FNBP4: variants seen among roughly 807,000 people sequenced by gnomAD.
FNBP4 encodes the protein formin-binding protein 4.
Under a neutral mutation model 119.3 loss-of-function variants are expected in FNBP4, and 34 were observed. The observed-to-expected ratio is 0.28, with a 90% CI of 0.22 to 0.38. FNBP4 has a LOEUF of 0.38. FNBP4 is among the 10% of genes least tolerant of loss of function. The probability of loss-of-function intolerance (pLI) is 1.00; values close to 1 mark genes in which losing one functional copy is unlikely to be tolerated. For missense variants in FNBP4, 1,112 were observed against 1,228.9 expected, an observed-to-expected ratio of 0.90 and a Z score of 1.42; for synonymous variants, 462 against 430.6, an observed-to-expected ratio of 1.07 and a Z score of -0.90.
intron 7 of FNBP4, 101 bp downstream of exon 7, chr11:47,745,955 A>G: frequency 9.1e-7 from 1 of 1,093,034 alleles, no homozygotes; most frequent in East Asian, 2.4e-5. Context: ...TGATGGGATA[A>G]GAAAAACAAA....
At chr11:47,724,409 T>C (rs899379289) in intron 13 of FNBP4, 59 bp downstream of exon 13, 68 of 1,611,010 alleles carry the variant, frequency 4.2e-5, no homozygotes, top group Non-Finnish European at 5.3e-5. Context: ...AAATAAAACA[T>C]GGTGTCAATC....
chr11:47,736,384 C>T (rs569818609), intron 9 of FNBP4, among the ~76,000 whole-genome samples: 14 of 152,094 alleles, frequency 9.2e-5, no homozygotes, highest in South Asian at 4.2e-4. Context: ...GGTGAAACCC[C>T]GTTTCTACTA....
rs139606989 is a variant in FNBP4 at position 47,764,939 on chromosome 11, A to G, written c.313+331T>C. Among the ~76,000 whole-genome samples the G allele has an allele frequency of 4.9e-3, 752 of 152,292 alleles. 1 individual carries two copies. The highest frequency in any genetic ancestry group is 0.017 in the African/African-American group (720 of 41,560). On this transcript the variant is annotated intron_variant, in intron 2 of 16. Coordinates refer to ENST00000263773, the MANE Select transcript of FNBP4 (RefSeq NM_015308.5). ...TCCACCAATGTTTGTTAGGTAACCA[A>G]TCAAGCCAGAGTGTTAGAAAAGGAA...
At chr11:47,744,951 G>A (rs1459620868) in intron 7 of FNBP4, among the ~76,000 whole-genome samples, 1 of 152,144 alleles carries the variant, frequency 6.6e-6, no homozygotes, top group Non-Finnish European at 1.5e-5. Flanking sequence ...CTGAAGCCAT[G>A]GCAGAGGAAC....
intron 10 of FNBP4, among the ~76,000 whole-genome samples, chr11:47,733,029 A>G (rs891015905): frequency 2.0e-5 from 3 of 152,272 alleles, no homozygotes; most frequent in South Asian, 2.1e-4. Context: ...GAGGCAGGAG[A>G]ATCAACTGAA....
chr11:47,759,908 G>A (rs7108479), intron 2 of FNBP4, among the ~76,000 whole-genome samples: 1 of 152,050 alleles, frequency 6.6e-6, no homozygotes, highest in African/African-American at 2.4e-5. Flanking sequence ...AGCCGAGGCT[G>A]TGCCATTGCA....
intron 2 of FNBP4, among the ~76,000 whole-genome samples, chr11:47,761,494 C>A (rs1208058960): frequency 6.6e-6 from 1 of 151,992 alleles, no homozygotes; most frequent in Non-Finnish European, 1.5e-5. Flanking sequence ...AGGGAGGCTG[C>A]AGCAGGAGAA....
rs2097557379 is a variant in FNBP4, at chr11:47,722,872, T to TA, written c.2805+103dup. On this transcript the variant is annotated intron_variant, in intron 15 of 16. Coordinates refer to ENST00000263773, the MANE Select transcript of FNBP4 (RefSeq NM_015308.5). ...TCCCAAAGTGCTGGGATTACAGGCT[T>TA]AAGCCACAGTGCCCAGCCTGAAAAT... is the stretch of plus-strand genomic sequence containing the variant. 1.6e-5 allele frequency: 21 copies of TA among 1,315,468 alleles called. No homozygotes were observed. The East Asian group carries it at 5.1e-4, about 32-fold the overall frequency. 81.5% of individuals were successfully genotyped at this position (1,315,468 alleles called of 1,614,324 possible).
intron 1 of FNBP4, among the ~76,000 whole-genome samples, chr11:47,766,085 G>A (rs867953990): frequency 1.3e-5 from 2 of 151,926 alleles, no homozygotes; most frequent in Non-Finnish European, 2.9e-5. Flanking sequence ...GATGGCTCTC[G>A]CCTGTAATGA....
At chr11:47,723,980 G>A (rs745307581) in intron 14 of FNBP4, 48 bp downstream of exon 14, 4 of 1,557,160 alleles carry the variant, frequency 2.6e-6, no homozygotes, top group South Asian at 2.4e-5. Context: ...ATGCTGAAAA[G>A]AAAAGAAACA....
At chr11:47,718,888 C>G (rs1168878702) in intron 16 of FNBP4, among the ~76,000 whole-genome samples, 1 of 150,576 alleles carries the variant, frequency 6.6e-6, no homozygotes, top group Non-Finnish European at 1.5e-5. Context: ...GTGTGAGCCA[C>G]AGTGCCCACC....
intron 16 of FNBP4, among the ~76,000 whole-genome samples, chr11:47,718,556 A>G (rs899287769): frequency 6.6e-6 from 1 of 152,156 alleles, no homozygotes; most frequent in Non-Finnish European, 1.5e-5. Context: ...TTTTATTTGT[A>G]AGGATTAAAA....
chr11:47,720,038 T>G lies in FNBP4; in HGVS notation c.2854A>C (p.Ser952Arg). ...KMPSLVKKWQ[S>R]IQRELDEEDN... ...TCTTCATCTAACTCACGCTGGATACTCTGCCACTTTTTTACCAAAGATGGC... is the reference window on the plus strand; with the variant it reads ...TCTTCATCTAACTCACGCTGGATACGCTGCCACTTTTTTACCAAAGATGGC... The change falls in exon 16 of 17, where the codon AGT becomes CGT. Residue 952 changes from serine (S) to arginine (R), a missense_variant. By Grantham distance (110) the Ser-to-Arg change is moderately radical. This residue lies in a region of FNBP4 where 826 missense variants were observed against 988.8 expected (regional missense o/e 0.84). Transcript: ENST00000263773. The G allele has an allele frequency of 6.2e-7, 1 of 1,614,182 alleles. No homozygotes were observed. Among genetic ancestry groups the G allele is most frequent in the Non-Finnish European group, 8.5e-7 (1 of 1,180,016 alleles).
In FNBP4 at chr11:47,752,979, T is replaced by G; in HGVS notation, c.574A>C (p.Asn192His). ...ATSTLSSSTS[N>H]GTDSTQTSGW... ...GATGTTTGGGTGGAGTCTGTTCCAT[T>G]TGAAGTAGAAGAAGAAAGGGTAGAT... Residue 192 changes from asparagine (N) to histidine (H), a missense_variant, in exon 4 of 17, where the codon AAT becomes CAT. Around this residue, in one of 2 missense-constraint regions of FNBP4, gnomAD observed 826 missense variants for 988.8 expected, o/e 0.84. Coordinates refer to ENST00000263773, the MANE Select transcript of FNBP4 (RefSeq NM_015308.5). 1.3e-5 allele frequency: 21 copies of G among 1,614,122 alleles called. No individual in the cohort carries two copies. The highest frequency in any genetic ancestry group is 1.7e-5 in the Non-Finnish European group (20 of 1,180,016).
intron 15 of FNBP4, among the ~76,000 whole-genome samples, chr11:47,722,748 G>A (rs2097557247): frequency 6.6e-6 from 1 of 151,908 alleles, no homozygotes; most frequent in African/African-American, 2.4e-5. Flanking sequence ...GTGCCACCAG[G>A]CCCAGCTAAT....
chr11:47,718,707 G>A (rs1397634533), intron 16 of FNBP4, among the ~76,000 whole-genome samples: 1 of 152,170 alleles, frequency 6.6e-6, no homozygotes, highest in African/African-American at 2.4e-5. Flanking sequence ...GACAATTGAT[G>A]AACAGTGAGT....
chr11:47,728,869 T>TA (rs397770655), intron 12 of FNBP4, among the ~76,000 whole-genome samples: 241 of 149,064 alleles, frequency 1.6e-3, no homozygotes, highest in Middle Eastern at 0.014. Context: ...TTTTTTTTTT[T>TA]AGATAAAGAG....
chr11:47,740,782 G>A (rs1302257202), intron 8 of FNBP4, among the ~76,000 whole-genome samples: 8 of 151,570 alleles, frequency 5.3e-5, no homozygotes. Context: ...AGTAGAGACG[G>A]GGTTTCACCA....
At position 47,724,134 on chromosome 11, in the gene FNBP4, A is replaced by T; in HGVS notation, c.2358T>A (p.Thr786=). 1 of 1,614,158 alleles carries T rather than the reference A, an allele frequency of 6.2e-7. No homozygotes were observed. Among genetic ancestry groups the T allele is most frequent in the Non-Finnish European group, 8.5e-7 (1 of 1,180,012 alleles). Residue 786 remains threonine, a synonymous_variant, in exon 14 of 17, where the codon ACT becomes ACA. Transcript: ENST00000263773. ...CTGTAGCTTTCCTCTTTATTCCTTTAGTGGAAGAAGAACTAGAGATGGTGG... is the reference window on the plus strand; with the variant it reads ...CTGTAGCTTTCCTCTTTATTCCTTTTGTGGAAGAAGAACTAGAGATGGTGG... The part of the protein sequence containing the change: ...VDSTISSSSS[T]KGIKRKATEI...
Sources: gnomAD v4.1 joint callset for allele counts (sites outside exome capture counted in the v4.1 genomes callset) on GRCh38, gnomAD v4.1.1 for gene constraint, gnomAD v4.1.1 regional missense constraint, MANE v1.5 for transcripts, NCBI Gene and HGNC (gene_info 2026-07-23, HGNC 2026-07-21) for gene names.